The following PCCA variants were observed in gnomAD, a reference collection of about 807,000 sequenced individuals.
PCCA encodes propionyl-CoA carboxylase alpha chain, mitochondrial.
Under a neutral mutation model 101.3 loss-of-function variants are expected in PCCA, and 74 were observed. The observed-to-expected ratio is 0.73, with a 90% confidence interval of 0.61 to 0.89. The LOEUF is 0.89. PCCA is among the 40% of genes least tolerant of loss of function. The pLI is 0.00. For missense variants in PCCA, 891 were observed against 907.0 expected (o/e 0.98, Z 0.23); for synonymous variants, 294 against 313.6 (o/e 0.94, Z 0.66).
chr13:100,314,159 T>C (rs1035106812), intron 16 of PCCA, among the ~76,000 whole-genome samples: 1 of 152,146 alleles, frequency 6.6e-6, no homozygotes, highest in Non-Finnish European at 1.5e-5. Context: ...TTGTAGGTGA[T>C]AATTTGCACT....
intron 4 of PCCA, among the ~76,000 whole-genome samples, chr13:100,142,249 C>G (rs556776901): frequency 1.3e-5 from 2 of 152,114 alleles, no homozygotes; most frequent in Non-Finnish European, 2.9e-5. Flanking sequence ...ACTAAGTGTT[C>G]TTTCCTAAGC....
chr13:100,281,019 A>G (rs1212689265), intron 12 of PCCA, among the ~76,000 whole-genome samples: 1 of 152,116 alleles, frequency 6.6e-6, no homozygotes, highest in East Asian at 1.9e-4. Context: ...GAAAAAACAG[A>G]AGGAAAAAAA....
chr13:100,494,948 C>T lies in PCCA; in HGVS notation c.1900-20479C>T, dbSNP rs551713980. Among the ~76,000 whole-genome samples, 9 of 152,288 alleles carry T rather than the reference C, an allele frequency of 5.9e-5. No individual in the cohort carries two copies. In the South Asian group the frequency reaches 6.2e-4, roughly 11 times the overall value. On this transcript the variant is annotated intron_variant, in intron 21 of 23. Coordinates refer to ENST00000376285, the MANE Select transcript of PCCA (RefSeq NM_000282.4). ...ATCCTCCTCTCACTGCCTTAGTTCT[C>T]CCTCTGAAATTCCATAGCATTTCAT...
intron 21 of PCCA, among the ~76,000 whole-genome samples, chr13:100,509,396 A>G (rs837295): frequency 0.018 from 2,753 of 152,282 alleles, 86 homozygotes; most frequent in African/African-American, 0.062. Flanking sequence ...GTACTTGATG[A>G]TGAACTTCCA....
At position 100,301,452 on chromosome 13, in the gene PCCA, C is replaced by T. The variant is rs2066048289; in HGVS notation, c.1066-8C>T. On this transcript the variant is annotated splice_region_variant and splice_polypyrimidine_tract_variant and intron_variant, in intron 12 of 23. Coordinates refer to ENST00000376285, the MANE Select transcript of PCCA (RefSeq NM_000282.4). ...ACACCTACTGACTGGCAGACCTTGG[C>T]CTTGCAGGTTGAGCATCCTGTCACA... The T allele has an allele frequency of 1.2e-6, 2 of 1,613,910 alleles. No homozygotes were observed. The highest frequency in any genetic ancestry group is 3.3e-5 in the Admixed American group (2 of 60,024).
chr13:100,365,364 G>T (rs2075060730), intron 18 of PCCA, among the ~76,000 whole-genome samples: 1 of 152,160 alleles, frequency 6.6e-6, no homozygotes, highest in Non-Finnish European at 1.5e-5. Flanking sequence ...TTGGAGAGTG[G>T]CAACTGTATC....
At chr13:100,284,678 C>T (rs1478214480) in intron 12 of PCCA, among the ~76,000 whole-genome samples, 4 of 152,210 alleles carry the variant, frequency 2.6e-5, no homozygotes, top group Non-Finnish European at 4.4e-5. Context: ...ACCCTGCTCT[C>T]TCAAGTACCA....
chr13:100,486,667 C>G (rs1425678148), intron 21 of PCCA, among the ~76,000 whole-genome samples: 1 of 152,232 alleles, frequency 6.6e-6, no homozygotes, highest in Non-Finnish European at 1.5e-5. Context: ...AATCCCAGCA[C>G]TTTGGGAGGC....
At chr13:100,129,228 C>T (rs941205742) in intron 4 of PCCA, among the ~76,000 whole-genome samples, 5 of 152,176 alleles carry the variant, frequency 3.3e-5, no homozygotes, top group South Asian at 2.1e-4. Context: ...ATCTTCACTT[C>T]GTTATTGCTT....
chr13:100,131,681 A>G (rs2050530269), intron 4 of PCCA, among the ~76,000 whole-genome samples: 1 of 151,994 alleles, frequency 6.6e-6, no homozygotes, highest in Non-Finnish European at 1.5e-5. Context: ...CCTTTACAGT[A>G]TTTTATTATA....
intron 18 of PCCA, among the ~76,000 whole-genome samples, chr13:100,348,728 CTTTCTTTCTTTCTTT>C (rs2072662517): frequency 3.1e-5 from 2 of 65,222 alleles, no homozygotes; most frequent in African/African-American, 1.6e-4. Context: ...GTTTTTTTTC[CTTTCTTTCTTTCTTT>C]CTTTCTTTCT....
intron 19 of PCCA, among the ~76,000 whole-genome samples, chr13:100,410,370 G>A (rs2077965953): frequency 6.6e-6 from 1 of 152,122 alleles, no homozygotes; most frequent in African/African-American, 2.4e-5. Flanking sequence ...AGCCCTCTGA[G>A]TAGCTGCGAC....
intron 6 of PCCA, among the ~76,000 whole-genome samples, chr13:100,199,868 T>C (rs1472585000): frequency 6.6e-6 from 1 of 152,198 alleles, no homozygotes; most frequent in Non-Finnish European, 1.5e-5. Context: ...GAAGTAATGA[T>C]TGGTTCCTTA....
intron 8 of PCCA, among the ~76,000 whole-genome samples, chr13:100,251,347 A>G (rs560221016): frequency 6.6e-6 from 1 of 152,356 alleles, no homozygotes; most frequent in South Asian, 2.1e-4. Flanking sequence ...GTTCATTCAC[A>G]GTGGAATGGA....
chr13:100,260,808 G>A (rs538984127), intron 9 of PCCA, among the ~76,000 whole-genome samples: 1 of 151,552 alleles, frequency 6.6e-6, no homozygotes, highest in Non-Finnish European at 1.5e-5. Flanking sequence ...ATTACTATAT[G>A]ACAAGGATTA....
At chr13:100,440,210 A>ATATATATATATATAT (rs2080266067) in intron 20 of PCCA, among the ~76,000 whole-genome samples, 1 of 120,388 alleles carries the variant, frequency 8.3e-6, no homozygotes, top group Non-Finnish European at 1.7e-5. Flanking sequence ...ATATATATAT[A>ATATATATATATATAT]AAACGTGATA....
intron 18 of PCCA, among the ~76,000 whole-genome samples, chr13:100,359,579 A>G (rs760509712): frequency 6.6e-6 from 1 of 152,248 alleles, no homozygotes; most frequent in East Asian, 1.9e-4. Flanking sequence ...AACATAGCAT[A>G]AAAATAGGCA....
intron 8 of PCCA, chr13:100,236,341 G>A (rs1281699054): frequency 6.1e-6 from 1 of 163,176 alleles, no homozygotes; most frequent in Non-Finnish European, 1.3e-5. Flanking sequence ...TGGGAAATTA[G>A]AACTGAATGA....
intron 4 of PCCA, among the ~76,000 whole-genome samples, chr13:100,144,668 C>G (rs1325467213): frequency 6.6e-6 from 1 of 152,072 alleles, no homozygotes; most frequent in Non-Finnish European, 1.5e-5. Context: ...ATTTAAAAGT[C>G]CTGACTTATA....
Sources: allele counts gnomAD v4.1 joint callset (sites outside exome capture counted in the v4.1 genomes callset), GRCh38; gene constraint gnomAD v4.1.1; transcripts MANE v1.5; gene names NCBI Gene and HGNC (gene_info 2026-07-23, HGNC 2026-07-21).